SNX2: variants seen among roughly 807,000 people sequenced by gnomAD.
The protein encoded by SNX2 is sorting nexin-2.
In SNX2, 25 loss-of-function variants were observed where a neutral mutation model predicts 69.9. The ratio of observed to expected loss-of-function variants is 0.36; its 90% CI spans 0.26 to 0.50. The LOEUF (loss-of-function observed/expected upper bound fraction) is 0.50, where lower values mean the gene tolerates loss of function less well. Among genes scored for constraint, SNX2 ranks in the 20% least tolerant of loss-of-function variants. SNX2 has a pLI of 0.97. For synonymous variants in SNX2, 229 were observed against 200.4 expected, an observed-to-expected ratio of 1.14 and a Z score of -1.20; for missense variants, 551 against 613.3, an observed-to-expected ratio of 0.90 and a Z score of 1.07.
At chr5:122,797,754 AC>A (rs1753416382) in intron 2 of SNX2, among the ~76,000 whole-genome samples, 1 of 152,214 alleles carries the variant, frequency 6.6e-6, no homozygotes, top group African/African-American at 2.4e-5. Flanking sequence ...ATTAATCTTT[AC>A]AGTTAGCACC....
intron 8 of SNX2, 79 bp from the exon 9 acceptor site, chr5:122,816,835 AG>A (rs1401615021): frequency 5.7e-6 from 3 of 521,960 alleles, no homozygotes; most frequent in South Asian, 2.0e-5. Flanking sequence ...AGGGGGGAGG[AG>A]GGGGGATCAC....
rs1753956269 is a variant in SNX2 at position 122,818,831 on chromosome 5, C to G, written c.1020C>G (p.Asn340Lys). The G allele has an allele frequency of 6.2e-7, 1 of 1,612,648 alleles. No homozygotes were observed. The highest frequency in any genetic ancestry group is 1.3e-5 in the African/African-American group (1 of 74,874). ...TTTAAATTTCAGAACTTTCAGCCAACACAGCTGCCTTTGCTAAAAGTGCTG... is the reference window on the plus strand; with the variant it reads ...TTTAAATTTCAGAACTTTCAGCCAAGACAGCTGCCTTTGCTAAAAGTGCTG... The part of the protein sequence containing the change: ...LVCHRKELSA[N>K]TAAFAKSAAM... Residue 340 changes from asparagine (N) to lysine (K), a missense_variant, in exon 11 of 15, where the codon AAC (asparagine) becomes AAG (lysine). Around this residue, in one of 2 missense-constraint regions of SNX2, gnomAD observed 360 missense variants for 450.4 expected, o/e 0.80. Coordinates refer to ENST00000379516, the MANE Select transcript of SNX2 (RefSeq NM_003100.4).
intron 9 of SNX2, 82 bp downstream of exon 9, chr5:122,817,110 A>G (rs1046687909): frequency 3.4e-6 from 4 of 1,183,688 alleles, no homozygotes; most frequent in Non-Finnish European, 5.0e-6. Flanking sequence ...CAAGTGGAAA[A>G]TAGGATATTA....
At chr5:122,786,399 GT>G (rs999954318) in intron 1 of SNX2, among the ~76,000 whole-genome samples, 20 of 151,322 alleles carry the variant, frequency 1.3e-4, no homozygotes, top group African/African-American at 4.8e-4. Context: ...TTTCTCTTCA[GT>G]TTTTTTCCTT....
At chr5:122,794,222 A>C (rs1367217696) in intron 1 of SNX2, among the ~76,000 whole-genome samples, 2 of 151,936 alleles carry the variant, frequency 1.3e-5, no homozygotes, top group Non-Finnish European at 2.9e-5. Flanking sequence ...GAGGCAGGAG[A>C]ATCACTTGAA....
At position 122,787,363 on chromosome 5, in the gene SNX2, T is replaced by C. The variant is rs554701372; in HGVS notation, c.109-7903T>C. Among the ~76,000 whole-genome samples, 151 of 151,928 alleles carry C rather than the reference T, an allele frequency of 9.9e-4. 2 individuals carry two copies. Among genetic ancestry groups the C allele is most frequent in the African/African-American group, 3.6e-3 (149 of 41,440 alleles). On this transcript the variant is annotated intron_variant, in intron 1 of 14. Coordinates refer to ENST00000379516, the MANE Select transcript of SNX2 (RefSeq NM_003100.4). Reference sequence around the variant, plus strand: ...GGTGAAGCCCTGTCTCTACAAAAAATAAAAAAATTAGCTAGACATGGTGGT... The same window carrying C: ...GGTGAAGCCCTGTCTCTACAAAAAACAAAAAAATTAGCTAGACATGGTGGT...
At chr5:122,810,877 C>T (rs780276720) in intron 7 of SNX2, among the ~76,000 whole-genome samples, 2 of 152,140 alleles carry the variant, frequency 1.3e-5, no homozygotes, top group South Asian at 4.1e-4. Flanking sequence ...GGTGTAGAAG[C>T]AAAGGAACTG....
At position 122,792,348 on chromosome 5, in the gene SNX2, C is replaced by G. The variant is rs559310925; in HGVS notation, c.109-2918C>G. On this transcript the variant is annotated intron_variant, in intron 1 of 14. Transcript: ENST00000379516. ...GTGGCTCACGCCTGTAATCCCAACA[C>G]TTTGGGAGGCTGAGGCGGGTGGATC... Among the ~76,000 whole-genome samples, 557 of 152,328 alleles carry G rather than the reference C, an allele frequency of 3.7e-3. 4 individuals are homozygous for G. The highest frequency in any genetic ancestry group is 0.012 in the African/African-American group (514 of 41,572).
chr5:122,776,645 C>T (rs1752863858), intron 1 of SNX2, among the ~76,000 whole-genome samples: 2 of 152,108 alleles, frequency 1.3e-5, no homozygotes, highest in African/African-American at 4.8e-5. Context: ...TTAACATGTA[C>T]ATGTGTTGAA....
rs977075282 is a variant in SNX2 at position 122,808,679 on chromosome 5, A to G, written c.722+324A>G. ...CTGGGGATAGAATTGTATCATAGGT[A>G]GTCACCAAGAGTTACTAAGAAACTG... On this transcript the variant is annotated intron_variant, in intron 7 of 14. Coordinates refer to ENST00000379516, the MANE Select transcript of SNX2 (RefSeq NM_003100.4). 4 of 165,116 alleles carry G rather than the reference A, an allele frequency of 2.4e-5. No homozygotes were observed. The Admixed American group carries it at 2.5e-4, about 10-fold the overall frequency. 10.2% of individuals were successfully genotyped at this position (165,116 alleles called of 1,614,324 possible).
At chr5:122,823,779 C>CGTGT (rs10559762) in intron 11 of SNX2, among the ~76,000 whole-genome samples, 5,720 of 145,844 alleles carry the variant, frequency 0.039, 138 homozygotes, top group Admixed American at 0.053. Context: ...AACATGTGGT[C>CGTGT]GTGTGTGTGT....
chr5:122,831,840 T>TA lies in SNX2; in HGVS notation c.*2195dup, dbSNP rs1203597025. On this transcript the variant is annotated 3_prime_UTR_variant, in exon 15 of 15. Coordinates refer to ENST00000379516, the MANE Select transcript of SNX2 (RefSeq NM_003100.4). ...TATTCAGTACCTCCAAGTAAAATAATAAATATTTTCAGCCTTGATTAAACT... is the reference window on the plus strand; with the variant it reads ...TATTCAGTACCTCCAAGTAAAATAATAAAATATTTTCAGCCTTGATTAAACT... Among the ~76,000 whole-genome samples, 1 of 152,194 alleles carries TA rather than the reference T, an allele frequency of 6.6e-6. No homozygotes were observed. Among genetic ancestry groups the TA allele is most frequent in the Non-Finnish European group, 1.5e-5 (1 of 68,024 alleles).
chr5:122,827,810 C>A, intron 14 of SNX2, 164 bp downstream of exon 14: 2 of 553,784 alleles, frequency 3.6e-6, no homozygotes, highest in Non-Finnish European at 3.2e-6. Context: ...TAATCGGAAA[C>A]TATCTCACGT....
intron 7 of SNX2, among the ~76,000 whole-genome samples, chr5:122,813,933 C>T (rs1467191944): frequency 6.6e-6 from 1 of 151,882 alleles, no homozygotes; most frequent in Non-Finnish European, 1.5e-5. Flanking sequence ...GCCACCACCC[C>T]CAGCTAATTT....
intron 1 of SNX2, 118 bp from the exon 2 acceptor site, chr5:122,795,148 G>C: frequency 3.0e-6 from 2 of 670,130 alleles, no homozygotes; most frequent in Non-Finnish European, 5.3e-6. Flanking sequence ...ATAAATAGCT[G>C]TTCTTGTTCT....
chr5:122,811,110 AGCATTTTTCTTC>A (rs1753766104), intron 7 of SNX2, among the ~76,000 whole-genome samples: 1 of 152,246 alleles, frequency 6.6e-6, no homozygotes, highest in African/African-American at 2.4e-5. Flanking sequence ...GGGTTAGGGA[AGCATTTTTCTTC>A]GTATTATTTT....
chr5:122,818,409 T>C (rs1473652698), intron 10 of SNX2, among the ~76,000 whole-genome samples: 2 of 152,218 alleles, frequency 1.3e-5, no homozygotes, highest in Non-Finnish European at 2.9e-5. Context: ...TTATAGACAT[T>C]ATTTTCAATG....
At chr5:122,806,094 ATGTGTGTGTG>A (rs147188322) in intron 6 of SNX2, among the ~76,000 whole-genome samples, 1 of 124,700 alleles carries the variant, frequency 8.0e-6, no homozygotes, top group African/African-American at 3.0e-5. Flanking sequence ...TAAAACTTTT[ATGTGTGTGTG>A]TGTGTGTGCG....
intron 1 of SNX2, among the ~76,000 whole-genome samples, chr5:122,785,300 G>T (rs1245098790): frequency 2.0e-5 from 3 of 150,622 alleles, no homozygotes; most frequent in Non-Finnish European, 4.4e-5. Context: ...GTTAATTTTA[G>T]TTTTTATTTT....
Sources: allele counts gnomAD v4.1 joint callset (sites outside exome capture counted in the v4.1 genomes callset), GRCh38; gene constraint gnomAD v4.1.1; regional missense constraint gnomAD v4.1.1; transcripts MANE v1.5; gene names NCBI Gene and HGNC (gene_info 2026-07-23, HGNC 2026-07-21).